The following BMPR1B variants were observed in gnomAD, a reference collection of about 807,000 sequenced individuals.
BMPR1B encodes bone morphogenetic protein receptor type 1B, also known as bone morphogenetic protein receptor type-1B.
BMPR1B carries 12 observed loss-of-function variants against 59.1 expected under a neutral mutation model. The ratio of observed to expected loss-of-function variants is 0.20; its 90% confidence interval spans 0.13 to 0.33. BMPR1B has a LOEUF of 0.33. BMPR1B is among the 10% of genes least tolerant of loss of function. The pLI is 1.00. For missense variants in BMPR1B, 550 were observed against 610.9 expected, an observed-to-expected ratio of 0.90 and a Z score of 1.05; for synonymous variants, 237 against 207.3, an observed-to-expected ratio of 1.14 and a Z score of -1.23.
chr4:94,889,181 A>G (rs994532313), intron 2 of BMPR1B, among the ~76,000 whole-genome samples: 2 of 152,048 alleles, frequency 1.3e-5, no homozygotes, highest in Non-Finnish European at 2.9e-5. Context: ...CGATGTTTCA[A>G]ATGTGTTATC....
chr4:94,801,684 A>G (rs188574231), intron 1 of BMPR1B, among the ~76,000 whole-genome samples: 1 of 152,284 alleles, frequency 6.6e-6, no homozygotes, highest in East Asian at 1.9e-4. Flanking sequence ...TTCTGCAACT[A>G]ATAACAGTTA....
At chr4:94,822,896 T>G (rs1342539597) in intron 1 of BMPR1B, among the ~76,000 whole-genome samples, 1 of 152,196 alleles carries the variant, frequency 6.6e-6, no homozygotes, top group African/African-American at 2.4e-5. Context: ...CATTGGTGAC[T>G]TTTTTGTCAG....
intron 3 of BMPR1B, among the ~76,000 whole-genome samples, chr4:95,047,136 C>T (rs896133654): frequency 3.3e-5 from 5 of 152,178 alleles, no homozygotes; most frequent in Non-Finnish European, 7.4e-5. Flanking sequence ...CCAGTTTCCC[C>T]TGCTATTAAC....
At chr4:94,848,563 A>G (rs1725434286) in intron 1 of BMPR1B, among the ~76,000 whole-genome samples, 1 of 152,144 alleles carries the variant, frequency 6.6e-6, no homozygotes, top group Non-Finnish European at 1.5e-5. Flanking sequence ...GGTAACAGGC[A>G]CCAAGATCAT....
At chr4:94,801,706 A>G (rs1239310199) in intron 1 of BMPR1B, among the ~76,000 whole-genome samples, 2 of 152,100 alleles carry the variant, frequency 1.3e-5, no homozygotes, top group Admixed American at 6.5e-5. Flanking sequence ...TGGAACTTGA[A>G]CTAACCCTTA....
chr4:94,811,150 C>T (rs11723423), intron 1 of BMPR1B, among the ~76,000 whole-genome samples: 20,421 of 152,118 alleles, frequency 0.13, 2,097 homozygotes, highest in African/African-American at 0.29. Context: ...CTCAATTAAC[C>T]GTTAGGAGAA....
chr4:95,060,611 C>A (rs964848475), intron 3 of BMPR1B, among the ~76,000 whole-genome samples: 6 of 152,172 alleles, frequency 3.9e-5, no homozygotes, highest in Non-Finnish European at 7.4e-5. Context: ...TAAGTGATTT[C>A]TGTCTCCAAA....
At chr4:94,804,552 A>G (rs1014475591) in intron 1 of BMPR1B, among the ~76,000 whole-genome samples, 1 of 150,628 alleles carries the variant, frequency 6.6e-6, no homozygotes, top group Non-Finnish European at 1.5e-5. Context: ...AATCAGACAG[A>G]TATTTGAATA....
chr4:94,821,862 G>T (rs2110655640), intron 1 of BMPR1B, among the ~76,000 whole-genome samples: 1 of 152,312 alleles, frequency 6.6e-6, no homozygotes, highest in African/African-American at 2.4e-5. Flanking sequence ...CACCTCACAG[G>T]TAAGTGAAGT....
intron 2 of BMPR1B, among the ~76,000 whole-genome samples, chr4:94,968,933 G>T (rs1414666573): frequency 6.6e-6 from 1 of 151,986 alleles, no homozygotes; most frequent in African/African-American, 2.4e-5. Flanking sequence ...CCAGATTTCC[G>T]TGATTTTCTA....
At chr4:94,818,491 A>G (rs1265028356) in intron 1 of BMPR1B, among the ~76,000 whole-genome samples, 1 of 152,190 alleles carries the variant, frequency 6.6e-6, no homozygotes, top group Non-Finnish European at 1.5e-5. Context: ...ATTCTATGCT[A>G]TGCTGTCTCT....
chr4:94,826,437 T>A (rs1468574130), intron 1 of BMPR1B, among the ~76,000 whole-genome samples: 1 of 152,224 alleles, frequency 6.6e-6, no homozygotes, highest in East Asian at 1.9e-4. Context: ...TTGTTCTCTT[T>A]TGCACTGTGC....
intron 2 of BMPR1B, among the ~76,000 whole-genome samples, chr4:94,924,139 CTA>C (rs1728800580): frequency 6.6e-6 from 1 of 152,130 alleles, no homozygotes; most frequent in South Asian, 2.1e-4. Context: ...TATATGGCAA[CTA>C]TAGTTAGTTT....
At chr4:95,082,766 T>C (rs951910192) in intron 3 of BMPR1B, among the ~76,000 whole-genome samples, 7 of 152,184 alleles carry the variant, frequency 4.6e-5, no homozygotes, top group South Asian at 2.1e-4. Context: ...ATCATGGGTG[T>C]GGTGGCTCAC....
intron 3 of BMPR1B, among the ~76,000 whole-genome samples, chr4:95,039,421 C>CTTTTT (rs35591365): frequency 7.1e-6 from 1 of 140,956 alleles, no homozygotes; most frequent in African/African-American, 2.6e-5. Context: ...TTTACTTCTT[C>CTTTTT]TTTTTTTTTT....
At chr4:94,821,763 T>A (rs1724219029) in intron 1 of BMPR1B, among the ~76,000 whole-genome samples, 1 of 152,190 alleles carries the variant, frequency 6.6e-6, no homozygotes, top group African/African-American at 2.4e-5. Flanking sequence ...AATGCTTTCT[T>A]GTTGAAGTCT....
At chr4:95,116,421 G>GCGCGCGCGCGCGCACACACACACA in intron 6 of BMPR1B, among the ~76,000 whole-genome samples, 2 of 123,248 alleles carry the variant, frequency 1.6e-5, no homozygotes, top group Admixed American at 8.2e-5. Context: ...TTCAGCGCGC[G>GCGCGCGCGCGCGCACACACACACA]CACACACACA....
At position 95,020,130 on chromosome 4, in the gene BMPR1B, C is replaced by G. The variant is rs568413977; in HGVS notation, c.-18+23996C>G. On this transcript the variant is annotated intron_variant, in intron 3 of 12. Coordinates refer to ENST00000515059, the MANE Select transcript of BMPR1B (RefSeq NM_001203.3). ...AACCCATTGCCTTAAATCTGCAGTTCTCAACCCAGAGACAATTTTGTCTCC... is the reference window on the plus strand; with the variant it reads ...AACCCATTGCCTTAAATCTGCAGTTGTCAACCCAGAGACAATTTTGTCTCC... Among the ~76,000 whole-genome samples, 522 of 152,246 alleles carry G rather than the reference C, an allele frequency of 3.4e-3. 2 individuals are homozygous for G. The highest frequency in any genetic ancestry group is 6.1e-3 in the Non-Finnish European group (415 of 68,018).
intron 3 of BMPR1B, among the ~76,000 whole-genome samples, chr4:95,028,790 C>G (rs901476464): frequency 1.3e-4 from 20 of 151,868 alleles, no homozygotes; most frequent in African/African-American, 4.3e-4. Flanking sequence ...TGCAGGAATT[C>G]TGTATATCAA....
Sources: allele counts gnomAD v4.1 joint callset (sites outside exome capture counted in the v4.1 genomes callset), GRCh38; gene constraint gnomAD v4.1.1; transcripts MANE v1.5; gene names NCBI Gene and HGNC (gene_info 2026-07-23, HGNC 2026-07-21).